The following RGP1 variants were observed in gnomAD, a reference collection of about 807,000 sequenced individuals.
The protein encoded by RGP1 is RGP1 partner of RAB6A GEF complex.
RGP1 carries 28 observed loss-of-function variants against 44.5 expected under a neutral mutation model. The observed-to-expected ratio is 0.63, with a 90% CI of 0.47 to 0.86. RGP1 has a LOEUF of 0.86. Among genes scored for constraint, RGP1 ranks in the 40% least tolerant of loss-of-function variants. The pLI is 0.00. For synonymous variants in RGP1, 212 were observed against 196.7 expected, an observed-to-expected ratio of 1.08 and a Z score of -0.65; for missense variants, 417 against 490.7, an observed-to-expected ratio of 0.85 and a Z score of 1.42.
rs773544726 is a variant in RGP1, at chr9:35,752,862, C to T, written c.1164C>T (p.Thr388=). ...SYAAPGPSTS[T]ITI Reference sequence around the variant, plus strand: ...CTGCCCCAGGCCCCAGCACCAGCACCATAACCATCTGAAACTGGCCCACCC... The same window carrying T: ...CTGCCCCAGGCCCCAGCACCAGCACTATAACCATCTGAAACTGGCCCACCC... The change falls in exon 9 of 9, where the codon ACC becomes ACT. Residue 388 remains threonine (T), a synonymous_variant. Coordinates refer to ENST00000378078, the MANE Select transcript of RGP1 (RefSeq NM_001080496.3). 11 of 1,613,774 alleles carry T rather than the reference C, an allele frequency of 6.8e-6. No homozygotes were observed. In the East Asian group the frequency reaches 2.5e-4, roughly 36 times the overall value.
the RGP1 span, among the ~76,000 whole-genome samples, chr9:35,781,425 G>T: frequency 8.9e-6 from 1 of 112,938 alleles, no homozygotes; most frequent in Non-Finnish European, 1.8e-5. Flanking sequence ...GGGGGGGCAG[G>T]CAGGAGGGGG....
Position 35,755,255 on chromosome 9 carries a change from A to G in RGP1, c.*2381A>G, listed in dbSNP as rs938275497. 3 of 152,252 alleles carry G rather than the reference A, an allele frequency of 2.0e-5. No homozygotes were observed. Among genetic ancestry groups the G allele is most frequent in the African/African-American group, 7.2e-5 (3 of 41,458 alleles). The allele number at this position is 152,252 out of a possible 1,614,324, so 9.4% of individuals were successfully genotyped here. Reference sequence around the variant, plus strand: ...GGGCTGTTATGAGGATTACTGAGATAATGCGTGCAGTGCTCTTATCACCAT... The same window carrying G: ...GGGCTGTTATGAGGATTACTGAGATGATGCGTGCAGTGCTCTTATCACCAT... On this transcript the variant is annotated 3_prime_UTR_variant, in exon 9 of 9. Transcript: ENST00000378078.
At chr9:35,776,539 G>T in the RGP1 span, among the ~76,000 whole-genome samples, 4 of 151,688 alleles carry the variant, frequency 2.6e-5, no homozygotes, top group Admixed American at 6.6e-5. Context: ...TACCTCCCTC[G>T]GCCTCCCAAA....
At chr9:35,777,296 A>AT in the RGP1 span, among the ~76,000 whole-genome samples, 8 of 150,728 alleles carry the variant, frequency 5.3e-5, no homozygotes, top group Non-Finnish European at 1.2e-4. Flanking sequence ...TGCCTGGCTA[A>AT]TTTTTTGTAT....
chr9:35,759,626 T>G (rs1827400900), downstream of RGP1, among the ~76,000 whole-genome samples: 1 of 146,502 alleles, frequency 6.8e-6, no homozygotes, highest in Non-Finnish European at 1.5e-5. Context: ...AAACTGAAAT[T>G]GCTTCTCCAC....
At chr9:35,788,579 A>G in the RGP1 span, among the ~76,000 whole-genome samples, 1 of 151,288 alleles carries the variant, frequency 6.6e-6, no homozygotes, top group Non-Finnish European at 1.5e-5. Context: ...AAAAGAAAAA[A>G]AAAAAAAGAA....
In RGP1 at chr9:35,751,348, A is replaced by G. The variant is rs1190876800; in HGVS notation, c.570A>G (p.Lys190=). 24 of 1,613,800 alleles carry G rather than the reference A, an allele frequency of 1.5e-5. No homozygotes were observed. Among genetic ancestry groups the G allele is most frequent in the Admixed American group, 3.3e-5 (2 of 60,004 alleles). ...PFLEEDEGGK[K]DSWLAELAGE... is the part of the protein sequence containing the mutation. ...TGGAGGAGGATGAAGGTGGGAAGAA[A>G]GATTCATGGCTAGCTGAGCTGGCTG... The change falls in exon 6 of 9, where the codon AAA becomes AAG. Residue 190 remains lysine, a synonymous_variant. Transcript: ENST00000378078.
the RGP1 span, among the ~76,000 whole-genome samples, chr9:35,765,355 T>C: frequency 6.6e-6 from 1 of 152,090 alleles, no homozygotes; most frequent in Non-Finnish European, 1.5e-5. Context: ...AATGTTTTAC[T>C]TGATAAATAA....
At chr9:35,767,245 C>T in the RGP1 span, among the ~76,000 whole-genome samples, 1 of 150,882 alleles carries the variant, frequency 6.6e-6, no homozygotes, top group African/African-American at 2.4e-5. Context: ...GGTGTAATGA[C>T]CAGCCTTAAT....
At chr9:35,759,480 G>T (rs1357831254), downstream of RGP1, among the ~76,000 whole-genome samples, 1 of 138,940 alleles carries the variant, frequency 7.2e-6, no homozygotes, top group Non-Finnish European at 1.5e-5. Context: ...GAGAATCACT[G>T]GAACCTGGGA....
the RGP1 span, among the ~76,000 whole-genome samples, chr9:35,787,788 AG>A: frequency 2.6e-5 from 4 of 151,970 alleles, no homozygotes; most frequent in African/African-American, 9.7e-5. Context: ...TTTTCTATTG[AG>A]ATGTGTTGTG....
downstream of RGP1, among the ~76,000 whole-genome samples, chr9:35,761,660 C>A (rs967773837): frequency 2.6e-5 from 4 of 151,896 alleles, no homozygotes; most frequent in African/African-American, 9.7e-5. Context: ...GGTGACAGAG[C>A]AAGACCCTGT....
Position 35,754,327 on chromosome 9 carries a change from T to C in RGP1, c.*1453T>C. ...TAAAGTGAGGACCCTGGCCCCCTGC[T>C]GAGTAGAGCTGGAAAAGTTGTAACT... On this transcript the variant is annotated 3_prime_UTR_variant, in exon 9 of 9. Coordinates refer to ENST00000378078, the MANE Select transcript of RGP1 (RefSeq NM_001080496.3). 1 of 560,354 alleles carries C rather than the reference T, an allele frequency of 1.8e-6. No individual in the cohort carries two copies. Among genetic ancestry groups the C allele is most frequent in the Non-Finnish European group, 2.9e-6 (1 of 343,124 alleles). 34.7% of individuals were successfully genotyped at this position (560,354 alleles called of 1,614,324 possible).
At chr9:35,782,603 G>A in the RGP1 span, among the ~76,000 whole-genome samples, 1 of 150,546 alleles carries the variant, frequency 6.6e-6, no homozygotes, top group Admixed American at 6.6e-5. Context: ...GTGCCATCGC[G>A]CCTGGCTAAT....
intron 8 of RGP1, 122 bp from the exon 9 acceptor site, chr9:35,752,529 G>A: frequency 2.2e-6 from 2 of 892,798 alleles, no homozygotes; most frequent in Middle Eastern, 2.2e-4. Context: ...TCCCTGCCCT[G>A]TGACTTTTCC....
In RGP1 at chr9:35,753,251, C is replaced by T; in HGVS notation, c.*377C>T. 6.2e-7 allele frequency: 1 copy of T among 1,614,054 alleles called. No homozygotes were observed. The highest frequency in any genetic ancestry group is 8.5e-7 in the Non-Finnish European group (1 of 1,180,018). Reference sequence around the variant, plus strand: ...TCCTGCCTCCTGACGTACCTCACACCCAGCCGGGAAGTCGATGGGATGCTG... The same window carrying T: ...TCCTGCCTCCTGACGTACCTCACACTCAGCCGGGAAGTCGATGGGATGCTG... On this transcript the variant is annotated 3_prime_UTR_variant, in exon 9 of 9. Transcript: ENST00000378078. This position sits in a 1 kb window ranked among gnomAD's most constrained non-coding sequence, Gnocchi z 4.2.
the RGP1 span, among the ~76,000 whole-genome samples, chr9:35,789,971 C>T: frequency 4.6e-4 from 70 of 152,268 alleles, no homozygotes; most frequent in African/African-American, 1.6e-3. Context: ...TTATATGATC[C>T]TCTTAGCCCT....
the RGP1 span, among the ~76,000 whole-genome samples, chr9:35,778,170 C>T: frequency 3.3e-5 from 5 of 152,062 alleles, no homozygotes; most frequent in South Asian, 2.1e-4. Flanking sequence ...GGCGTGGTGG[C>T]GCATGCCTGT....
At chr9:35,780,132 T>C in the RGP1 span, 1 of 151,930 alleles carries the variant, frequency 6.6e-6, no homozygotes, top group South Asian at 2.1e-4. Context: ...AAAAAGAGAG[T>C]TGTTCTTTTC....
Sources: gnomAD v4.1 joint callset for allele counts (sites outside exome capture counted in the v4.1 genomes callset) on GRCh38, gnomAD v4.1.1 for gene constraint, Gnocchi (gnomAD v3.1) non-coding constraint, MANE v1.5 for transcripts, NCBI Gene and HGNC (gene_info 2026-07-23, HGNC 2026-07-21) for gene names.